TMEM117: variants seen among roughly 807,000 people sequenced by gnomAD.
The protein encoded by TMEM117 is transmembrane protein 117.
In TMEM117, 27 loss-of-function variants were observed where a neutral mutation model predicts 52.4. That is an observed-to-expected ratio of 0.51 (90% CI 0.38 to 0.71). The LOEUF is 0.71. TMEM117 is among the 30% of genes least tolerant of loss of function. TMEM117 has a pLI of 0.00. For synonymous variants in TMEM117, 215 were observed against 206.3 expected (o/e 1.04, Z -0.36); for missense variants, 556 against 630.5 (o/e 0.88, Z 1.26).
intron 3 of TMEM117, among the ~76,000 whole-genome samples, chr12:44,096,910 C>A (rs901356189): frequency 6.6e-6 from 1 of 151,454 alleles, no homozygotes; most frequent in Non-Finnish European, 1.5e-5. Flanking sequence ...AAGAAACTAC[C>A]ATCAGAGTGA....
chr12:43,883,072 G>A (rs1943926514), intron 2 of TMEM117, among the ~76,000 whole-genome samples: 1 of 152,024 alleles, frequency 6.6e-6, no homozygotes, highest in Non-Finnish European at 1.5e-5. Flanking sequence ...TCCAATGGTG[G>A]TTTTTGTATC....
intron 4 of TMEM117, among the ~76,000 whole-genome samples, chr12:44,149,711 G>A (rs66970043): frequency 0.27 from 40,923 of 152,076 alleles, 9,913 homozygotes; most frequent in African/African-American, 0.65. Flanking sequence ...AATATAACCA[G>A]CATCTAGCTT....
intron 3 of TMEM117, among the ~76,000 whole-genome samples, chr12:43,997,943 T>G (rs1387807853): frequency 6.6e-6 from 1 of 152,214 alleles, no homozygotes; most frequent in Non-Finnish European, 1.5e-5. Flanking sequence ...ATGCATGCAC[T>G]CATGCTAATA....
chr12:44,041,686 C>A (rs887329724), intron 3 of TMEM117, among the ~76,000 whole-genome samples: 1 of 152,054 alleles, frequency 6.6e-6, no homozygotes, highest in Non-Finnish European at 1.5e-5. Context: ...AACTTCAGAC[C>A]AATATCCCTG....
intron 5 of TMEM117, among the ~76,000 whole-genome samples, chr12:44,244,998 A>C (rs1042383946): frequency 6.6e-6 from 1 of 152,022 alleles, no homozygotes; most frequent in Non-Finnish European, 1.5e-5. Flanking sequence ...TCAATTGACT[A>C]TAAATTGGTT....
At chr12:43,879,782 T>G (rs578024561) in intron 2 of TMEM117, among the ~76,000 whole-genome samples, 2 of 152,244 alleles carry the variant, frequency 1.3e-5, no homozygotes, top group Non-Finnish European at 2.9e-5. Flanking sequence ...TGGAGTAATC[T>G]ATCTCCAGGC....
At chr12:44,370,796 G>A (rs1951854321) in intron 6 of TMEM117, among the ~76,000 whole-genome samples, 1 of 152,122 alleles carries the variant, frequency 6.6e-6, no homozygotes, top group African/African-American at 2.4e-5. Context: ...GGGATTACAG[G>A]TGGGGATTGT....
chr12:44,246,234 A>G (rs1480146071), intron 5 of TMEM117, among the ~76,000 whole-genome samples: 2 of 152,204 alleles, frequency 1.3e-5, no homozygotes, highest in African/African-American at 4.8e-5. Flanking sequence ...ATCTTAAGAA[A>G]CATTTAGTTT....
At chr12:43,875,768 G>C (rs1284892082) in intron 2 of TMEM117, among the ~76,000 whole-genome samples, 1 of 152,050 alleles carries the variant, frequency 6.6e-6, no homozygotes, top group African/African-American at 2.4e-5. Flanking sequence ...ATTGGGCCGG[G>C]CTAACAGTGA....
chr12:43,864,647 A>C (rs928180075), intron 2 of TMEM117, among the ~76,000 whole-genome samples: 22 of 151,626 alleles, frequency 1.5e-4, no homozygotes, highest in African/African-American at 5.1e-4. Context: ...TAGCTCAGGG[A>C]TTGTAAAAGC....
chr12:44,075,751 C>T (rs1211397626), intron 3 of TMEM117, among the ~76,000 whole-genome samples: 1 of 151,970 alleles, frequency 6.6e-6, no homozygotes, highest in Non-Finnish European at 1.5e-5. Flanking sequence ...AGACTTGTGC[C>T]TTGGGGTATA....
chr12:44,062,708 G>A (rs1947158409), intron 3 of TMEM117, among the ~76,000 whole-genome samples: 1 of 152,138 alleles, frequency 6.6e-6, no homozygotes, highest in African/African-American at 2.4e-5. Context: ...TTGGAATACG[G>A]GAGTCTCCTG....
intron 6 of TMEM117, among the ~76,000 whole-genome samples, chr12:44,356,798 C>T (rs1951655145): frequency 6.6e-6 from 1 of 152,104 alleles, no homozygotes; most frequent in African/African-American, 2.4e-5. Flanking sequence ...GAGTATAGGT[C>T]TTCACCATGT....
intron 4 of TMEM117, among the ~76,000 whole-genome samples, chr12:44,182,248 T>C (rs1267264529): frequency 6.6e-6 from 1 of 152,166 alleles, no homozygotes; most frequent in African/African-American, 2.4e-5. Context: ...CTTATGGAGA[T>C]TTTGGGCTGA....
chr12:44,163,278 C>G (rs904932197), intron 4 of TMEM117, among the ~76,000 whole-genome samples: 16 of 152,180 alleles, frequency 1.1e-4, no homozygotes, highest in Non-Finnish European at 2.2e-4. Context: ...TTCAGACCTT[C>G]TTAATACCTT....
intron 6 of TMEM117, among the ~76,000 whole-genome samples, chr12:44,359,607 T>C (rs1370059783): frequency 6.6e-6 from 1 of 152,080 alleles, no homozygotes; most frequent in Non-Finnish European, 1.5e-5. Flanking sequence ...TTCACCATAA[T>C]AAATAACAAT....
intron 4 of TMEM117, among the ~76,000 whole-genome samples, chr12:44,192,793 A>G (rs1342169999): frequency 6.6e-6 from 1 of 152,194 alleles, no homozygotes; most frequent in Non-Finnish European, 1.5e-5. Context: ...GTGACACTGA[A>G]CCAGCTATCA....
chr12:43,833,825 G>C (rs139735570), upstream of TMEM117, among the ~76,000 whole-genome samples: 508 of 151,880 alleles, frequency 3.3e-3, 5 homozygotes, highest in East Asian at 0.04. Context: ...GGGCATGGTG[G>C]CTCACACCTG....
chr12:44,287,771 A>G (rs1950655341), intron 5 of TMEM117, among the ~76,000 whole-genome samples: 1 of 152,200 alleles, frequency 6.6e-6, no homozygotes, highest in Non-Finnish European at 1.5e-5. Context: ...ACCATCTTAC[A>G]TCATTTCTAT....
Sources: gnomAD v4.1 joint callset for allele counts (sites outside exome capture counted in the v4.1 genomes callset) on GRCh38, gnomAD v4.1.1 for gene constraint, MANE v1.5 for transcripts, NCBI Gene and HGNC (gene_info 2026-07-23, HGNC 2026-07-21) for gene names.